FGF2: variants seen among roughly 807,000 people sequenced by gnomAD.
FGF2 encodes basic fibroblast growth factor bFGF.
Under a neutral mutation model 15.9 loss-of-function variants are expected in FGF2, and 13 were observed. The observed-to-expected ratio is 0.82, with a 90% CI of 0.53 to 1.30. The LOEUF (loss-of-function observed/expected upper bound fraction) is 1.30, where lower values mean the gene tolerates loss of function less well. Among genes scored for constraint, FGF2 ranks in the 50% most tolerant of loss-of-function variants. FGF2 has a pLI of 0.00. For synonymous variants in FGF2, 90 were observed against 78.4 expected, an observed-to-expected ratio of 1.15 and a Z score of -0.78; for missense variants, 163 against 196.9, an observed-to-expected ratio of 0.83 and a Z score of 1.03.
At chr4:122,854,229 C>T (rs1284427653) in intron 1 of FGF2, among the ~76,000 whole-genome samples, 2 of 152,212 alleles carry the variant, frequency 1.3e-5, no homozygotes, top group Non-Finnish European at 2.9e-5. Context: ...GAAAGGCATT[C>T]GCCTACAGAA....
intron 1 of FGF2, among the ~76,000 whole-genome samples, chr4:122,863,852 G>GCTGTCCA (rs1295466638): frequency 2.0e-5 from 3 of 152,210 alleles, no homozygotes; most frequent in African/African-American, 7.2e-5. Flanking sequence ...GGCTGAAGTG[G>GCTGTCCA]CTGTCCACAG....
At chr4:122,865,972 T>A (rs72672989) in intron 1 of FGF2, among the ~76,000 whole-genome samples, 3,307 of 152,294 alleles carry the variant, frequency 0.022, 62 homozygotes, top group Non-Finnish European at 0.036. Flanking sequence ...TAGGCAGTGA[T>A]TTTTTAGATA....
At chr4:122,845,200 T>G (rs1197936621) in intron 1 of FGF2, among the ~76,000 whole-genome samples, 1 of 152,148 alleles carries the variant, frequency 6.6e-6, no homozygotes, top group African/African-American at 2.4e-5. Flanking sequence ...AGCAGTAGTC[T>G]CAAAAGTGGG....
intron 2 of FGF2, among the ~76,000 whole-genome samples, chr4:122,880,846 A>T (rs1409837864): frequency 6.6e-6 from 1 of 151,992 alleles, no homozygotes; most frequent in Non-Finnish European, 1.5e-5. Flanking sequence ...GGGGGCTCTG[A>T]CCCCACATTT....
intron 2 of FGF2, among the ~76,000 whole-genome samples, chr4:122,879,409 G>GA (rs1343710612): frequency 6.6e-6 from 1 of 151,784 alleles, no homozygotes; most frequent in African/African-American, 2.4e-5. Flanking sequence ...GGTGGTAGAG[G>GA]AAAAAAAAGG....
At chr4:122,828,003 C>T (rs1402140083) in intron 1 of FGF2, among the ~76,000 whole-genome samples, 1 of 152,242 alleles carries the variant, frequency 6.6e-6, no homozygotes, top group Non-Finnish European at 1.5e-5. Context: ...AATCTTCCAC[C>T]TGCAGTGACT....
At chr4:122,826,705 G>T (rs1314709265), upstream of FGF2, 11 of 1,256,188 alleles carry the variant, frequency 8.8e-6, no homozygotes, top group African/African-American at 4.6e-5. Context: ...CGAACTCAGA[G>T]GCCGGCCCCA....
chr4:122,845,667 A>G (rs541059347), intron 1 of FGF2, among the ~76,000 whole-genome samples: 5 of 152,190 alleles, frequency 3.3e-5, no homozygotes, highest in Non-Finnish European at 5.9e-5. Flanking sequence ...CTAGCCTCCA[A>G]CTTTTCTTCT....
chr4:122,875,386 G>A (rs12640514), intron 1 of FGF2, among the ~76,000 whole-genome samples: 65,044 of 147,454 alleles, frequency 0.44, 16,965 homozygotes, highest in Non-Finnish European at 0.59. Context: ...AGCAAATTAA[G>A]TATAAGCATT....
chr4:122,863,108 T>C (rs898905610), intron 1 of FGF2, among the ~76,000 whole-genome samples: 2 of 152,228 alleles, frequency 1.3e-5, no homozygotes, highest in Admixed American at 6.5e-5. Flanking sequence ...AACATTCTTA[T>C]AACTGTTGCT....
At chr4:122,849,539 G>GTGTATACC (rs1726183835) in intron 1 of FGF2, among the ~76,000 whole-genome samples, 4 of 152,076 alleles carry the variant, frequency 2.6e-5, no homozygotes, top group Admixed American at 2.6e-4. Context: ...ACCATGGCAC[G>GTGTATACC]TGTATACCTG....
chr4:122,870,237 G>T lies in FGF2; in HGVS notation c.179-6084G>T, dbSNP rs201195150. Among the ~76,000 whole-genome samples, 47 of 152,246 alleles carry T rather than the reference G, an allele frequency of 3.1e-4. No individual in the cohort carries two copies. The East Asian group carries it at 7.1e-3, about 23-fold the overall frequency. ...ATGTGTTGCTGAATTCTGTTTGCCGGCATTTTATTGAGGATTTTCACATCA... is the reference window on the plus strand; with the variant it reads ...ATGTGTTGCTGAATTCTGTTTGCCGTCATTTTATTGAGGATTTTCACATCA... On this transcript the variant is annotated intron_variant, in intron 1 of 2. Coordinates refer to ENST00000644866, the MANE Select transcript of FGF2 (RefSeq NM_001361665.2).
Position 122,878,546 on chromosome 4 carries a change from A to C in FGF2, c.282+2122A>C, listed in dbSNP as rs1184818785. Reference sequence around the variant, plus strand: ...ATAGACTGTCTGCTGAATCTGTTGAAGGGCTTTATACACCATGCTGACTAT... The same window carrying C: ...ATAGACTGTCTGCTGAATCTGTTGACGGGCTTTATACACCATGCTGACTAT... On this transcript the variant is annotated intron_variant, in intron 2 of 2. Coordinates refer to ENST00000644866, the MANE Select transcript of FGF2 (RefSeq NM_001361665.2). 3.3e-5 allele frequency among the ~76,000 whole-genome samples: 5 copies of C among 152,292 alleles called. No homozygotes were observed. In the East Asian group the frequency reaches 7.7e-4, roughly 24 times the overall value.
chr4:122,839,451 A>C (rs1316323467), intron 1 of FGF2, among the ~76,000 whole-genome samples: 1 of 152,158 alleles, frequency 6.6e-6, no homozygotes, highest in Non-Finnish European at 1.5e-5. Context: ...TTAATCAATA[A>C]TTTTCTGAGT....
intron 1 of FGF2, among the ~76,000 whole-genome samples, chr4:122,873,063 G>T (rs1333043985): frequency 6.6e-6 from 1 of 152,188 alleles, no homozygotes; most frequent in East Asian, 1.9e-4. Context: ...TTTACCTTCT[G>T]TCTTTCCCTT....
At chr4:122,870,965 TA>T (rs1402205837) in intron 1 of FGF2, among the ~76,000 whole-genome samples, 1 of 152,214 alleles carries the variant, frequency 6.6e-6, no homozygotes, top group Admixed American at 6.5e-5. Context: ...CATTTAGTGC[TA>T]AAAATTTCCC....
At chr4:122,866,333 A>C (rs1178376069) in intron 1 of FGF2, among the ~76,000 whole-genome samples, 3 of 150,846 alleles carry the variant, frequency 2.0e-5, no homozygotes, top group East Asian at 3.9e-4. Flanking sequence ...GCGCCACTGC[A>C]CTCCCGCCTG....
intron 1 of FGF2, among the ~76,000 whole-genome samples, chr4:122,851,202 G>A (rs527569143): frequency 4.6e-5 from 7 of 152,152 alleles, no homozygotes; most frequent in Non-Finnish European, 1.0e-4. Context: ...AGCAAAAGAA[G>A]AGGATTAGGA....
chr4:122,871,942 C>G (rs1726746065), intron 1 of FGF2, among the ~76,000 whole-genome samples: 1 of 151,886 alleles, frequency 6.6e-6, no homozygotes, highest in East Asian at 1.9e-4. Context: ...GATGAAAACC[C>G]AAAAGGCCAA....
Sources: allele counts gnomAD v4.1 joint callset (sites outside exome capture counted in the v4.1 genomes callset), GRCh38; gene constraint gnomAD v4.1.1; transcripts MANE v1.5; gene names NCBI Gene and HGNC (gene_info 2026-07-23, HGNC 2026-07-21).